Variants in SGCZ observed in about 807,000 individuals in gnomAD.
SGCZ encodes the protein zeta-sarcoglycan.
In SGCZ, 40 loss-of-function variants were observed where a neutral mutation model predicts 41.3. That is an observed-to-expected ratio of 0.97 (90% CI 0.75 to 1.26). SGCZ has a LOEUF of 1.26. Among genes scored for constraint, SGCZ ranks in the 50% most tolerant of loss-of-function variants. The pLI, the probability that SGCZ is intolerant of heterozygous loss-of-function variation, is 0.00. For missense variants in SGCZ, 552 were observed against 369.8 expected (o/e 1.49, Z -4.04); for synonymous variants, 206 against 137.5 (o/e 1.50, Z -3.49).
chr8:14,196,765 A>T (rs1193194930), intron 4 of SGCZ, among the ~76,000 whole-genome samples: 2 of 152,184 alleles, frequency 1.3e-5, no homozygotes. Flanking sequence ...ATGCTACGTG[A>T]AAGAAACCAG....
chr8:14,100,109 T>C lies in SGCZ; in HGVS notation c.744+2267A>G, dbSNP rs192121200. Among the ~76,000 whole-genome samples, 63 of 152,230 alleles carry C rather than the reference T, an allele frequency of 4.1e-4. No homozygotes were observed. The East Asian group carries it at 0.011, about 26-fold the overall frequency. ...GCAAAATATATATATTTATATGATT[T>C]TATATTTCTTCATAGGAAAAATACA... On this transcript the variant is annotated intron_variant, in intron 7 of 7. Coordinates refer to ENST00000382080, the MANE Select transcript of SGCZ (RefSeq NM_139167.4).
chr8:15,165,308 A>T (rs1799632517), intron 1 of SGCZ, among the ~76,000 whole-genome samples: 1 of 150,196 alleles, frequency 6.7e-6, no homozygotes, highest in Admixed American at 6.6e-5. Context: ...ACCAAAAAAA[A>T]CCTCTAATTA....
At chr8:14,353,526 C>G (rs1423367494) in intron 2 of SGCZ, among the ~76,000 whole-genome samples, 8 of 152,090 alleles carry the variant, frequency 5.3e-5, no homozygotes. Flanking sequence ...CCATTCCAAG[C>G]CTGTGTGAAT....
chr8:14,957,901 T>A (rs76129641), intron 1 of SGCZ, among the ~76,000 whole-genome samples: 14,060 of 152,006 alleles, frequency 0.092, 894 homozygotes, highest in African/African-American at 0.17. Flanking sequence ...ACTAAGAGAA[T>A]GACAACAAGA....
chr8:14,970,972 C>A (rs1336547108), intron 1 of SGCZ, among the ~76,000 whole-genome samples: 4 of 152,158 alleles, frequency 2.6e-5, no homozygotes, highest in African/African-American at 9.7e-5. Context: ...TTCCCCCTAA[C>A]ATTTTACATT....
chr8:14,717,743 G>A (rs1809738871), intron 1 of SGCZ, among the ~76,000 whole-genome samples: 1 of 152,036 alleles, frequency 6.6e-6, no homozygotes, highest in South Asian at 2.1e-4. Context: ...TTCTTAGCTG[G>A]CACTTGAATT....
chr8:14,615,350 C>T (rs1806065512), intron 1 of SGCZ, among the ~76,000 whole-genome samples: 1 of 152,212 alleles, frequency 6.6e-6, no homozygotes, highest in Non-Finnish European at 1.5e-5. Flanking sequence ...CCAGCTGTAG[C>T]CACTCAGGTG....
chr8:15,234,173 G>C (rs892175018), intron 1 of SGCZ, among the ~76,000 whole-genome samples: 2 of 152,130 alleles, frequency 1.3e-5, no homozygotes, highest in Non-Finnish European at 2.9e-5. Flanking sequence ...CAGTGCATAA[G>C]ATCAGTTGTT....
At chr8:14,252,102 A>G (rs980653109) in intron 3 of SGCZ, among the ~76,000 whole-genome samples, 2 of 152,032 alleles carry the variant, frequency 1.3e-5, no homozygotes, top group East Asian at 3.9e-4. Flanking sequence ...CCCCATATGG[A>G]ATTCACATTA....
At chr8:14,121,042 C>G (rs1464649880) in intron 5 of SGCZ, among the ~76,000 whole-genome samples, 1 of 152,024 alleles carries the variant, frequency 6.6e-6, no homozygotes, top group Non-Finnish European at 1.5e-5. Context: ...TTATAAAATT[C>G]TAATTTTACT....
chr8:14,140,928 A>C (rs1803349594), intron 5 of SGCZ, among the ~76,000 whole-genome samples: 1 of 152,208 alleles, frequency 6.6e-6, no homozygotes, highest in South Asian at 2.1e-4. Context: ...ACTATACTAC[A>C]AGCCTACAGT....
chr8:14,873,106 C>A (rs1180732448), intron 1 of SGCZ, among the ~76,000 whole-genome samples: 3 of 152,026 alleles, frequency 2.0e-5, no homozygotes, highest in African/African-American at 4.8e-5. Flanking sequence ...ACAGCAGTTA[C>A]TTAATAATGG....
intron 1 of SGCZ, among the ~76,000 whole-genome samples, chr8:14,759,516 G>C (rs771476566): frequency 6.6e-6 from 1 of 152,088 alleles, no homozygotes; most frequent in Non-Finnish European, 1.5e-5. Flanking sequence ...ATCATTAAAA[G>C]TTCACAGAAT....
chr8:14,754,776 C>T (rs373300245), intron 1 of SGCZ, among the ~76,000 whole-genome samples: 2 of 152,162 alleles, frequency 1.3e-5, no homozygotes, highest in Non-Finnish European at 2.9e-5. Flanking sequence ...GGTATAACCT[C>T]GGTTCACTGC....
intron 1 of SGCZ, among the ~76,000 whole-genome samples, chr8:14,702,927 A>AGAT (rs1331760486): frequency 1.0e-4 from 6 of 58,268 alleles, no homozygotes; most frequent in African/African-American, 2.9e-4. Context: ...TTAGGTAGGT[A>AGAT]GATAGATAGA....
chr8:14,185,628 TCTTGA>T (rs1462194536), intron 4 of SGCZ, among the ~76,000 whole-genome samples: 3 of 152,168 alleles, frequency 2.0e-5, no homozygotes, highest in Non-Finnish European at 1.5e-5. Flanking sequence ...AATCATATTC[TCTTGA>T]CTTTTCTTCT....
At chr8:14,769,807 A>AAAAAAC (rs1554496286) in intron 1 of SGCZ, among the ~76,000 whole-genome samples, 10 of 150,008 alleles carry the variant, frequency 6.7e-5, no homozygotes, top group African/African-American at 2.5e-4. Context: ...AAAAAAAAAA[A>AAAAAAC]AAAAAAAACC....
Position 14,545,930 on chromosome 8 carries a change from A to C in SGCZ, c.234+8802T>G, listed in dbSNP as rs141335690. 7.2e-3 allele frequency among the ~76,000 whole-genome samples: 1,090 copies of C among 152,258 alleles called. 16 individuals carry two copies. Among genetic ancestry groups the C allele is most frequent in the African/African-American group, 0.025 (1,023 of 41,542 alleles). The stretch of plus-strand genomic sequence containing the variant: ...TGCCACAATTCTTGTAGTTTACTTC[A>C]GGAAAAAGAACTTATCACTTGGTAG... On this transcript the variant is annotated intron_variant, in intron 2 of 7. Coordinates refer to ENST00000382080, the MANE Select transcript of SGCZ (RefSeq NM_139167.4).
At chr8:15,084,202 G>A (rs17120886) in intron 1 of SGCZ, among the ~76,000 whole-genome samples, 1,551 of 152,176 alleles carry the variant, frequency 0.01, 29 homozygotes, top group African/African-American at 0.035. Flanking sequence ...AATATTGTCC[G>A]TGGTCACTGT....
Sources: gnomAD v4.1 joint callset for allele counts (sites outside exome capture counted in the v4.1 genomes callset) on GRCh38, gnomAD v4.1.1 for gene constraint, MANE v1.5 for transcripts, NCBI Gene and HGNC (gene_info 2026-07-23, HGNC 2026-07-21) for gene names.